Variants in SON observed in about 807,000 individuals in gnomAD.
SON encodes the protein SON DNA and RNA binding protein, also known as protein SON.
In SON, 4 loss-of-function variants were observed where a neutral mutation model predicts 173.3. The ratio of observed to expected loss-of-function variants is 0.02; its 90% CI spans 0.01 to 0.05. The LOEUF (loss-of-function observed/expected upper bound fraction) is 0.05, where lower values mean the gene tolerates loss of function less well. Among genes scored for constraint, SON ranks in the 10% least tolerant of loss-of-function variants. SON has a pLI of 1.00. For missense variants in SON, 2,626 were observed against 3,055.3 expected (o/e 0.86, Z 3.31); for synonymous variants, 1,190 against 1,105.9 (o/e 1.08, Z -1.51).
rs1217904947 is a variant in SON at position 33,550,134 on chromosome 21, G to A, written c.903G>A (p.Glu301=). 3.1e-6 allele frequency: 5 copies of A among 1,614,176 alleles called. No individual in the cohort carries two copies. The highest frequency in any genetic ancestry group is 1.1e-5 in the South Asian group (1 of 91,088). ...AGCCCCCAGTAGCAAAAGTGTTAGA[G>A]CCTTCAGAAACCCTTGTGGTATCAT... The part of the protein sequence containing the change: ...LVEPPVAKVL[E]PSETLVVSSE... Residue 301 remains glutamate (E), a synonymous_variant, in exon 3 of 12, where the codon GAG becomes GAA. Coordinates refer to ENST00000356577, the MANE Select transcript of SON (RefSeq NM_138927.4).
At chr21:33,571,488 A>G (rs2086284563) in intron 8 of SON, among the ~76,000 whole-genome samples, 1 of 152,210 alleles carries the variant, frequency 6.6e-6, no homozygotes, top group African/African-American at 2.4e-5. Flanking sequence ...TTAGATTACA[A>G]AAAAAGCAAA....
Position 33,546,240 on chromosome 21 carries a change from T to G in SON, c.105T>G (p.Gly35=). 3 of 1,611,946 alleles carry G rather than the reference T, an allele frequency of 1.9e-6. No individual in the cohort carries two copies. The highest frequency in any genetic ancestry group is 2.5e-6 in the Non-Finnish European group (3 of 1,179,372). The part of the protein sequence containing the change: ...SSGRNEGQLN[G]ETNTPIEGNQ... ...GAAGGAATGAAGGCCAGCTGAATGG[T>G]GAAACAAATACACCCATTGAAGGAA... Residue 35 remains glycine, a synonymous_variant, in exon 2 of 12, where the codon GGT becomes GGG. Transcript: ENST00000356577.
At chr21:33,568,931 T>C (rs976805300) in intron 7 of SON, 40 bp from the exon 8 acceptor site, 4 of 1,179,332 alleles carry the variant, frequency 3.4e-6, no homozygotes, top group Admixed American at 1.9e-5. Context: ...TTTAATCAGG[T>C]AATTTTACTT....
intron 7 of SON, 148 bp from the exon 8 acceptor site, chr21:33,568,823 A>G (rs1207457478): frequency 7.3e-6 from 4 of 546,352 alleles, no homozygotes; most frequent in Non-Finnish European, 1.3e-5. Context: ...CTGCTTCTTT[A>G]GAAAGTTTAG....
At chr21:33,543,649 C>T (rs1459707332) in intron 1 of SON, among the ~76,000 whole-genome samples, 2 of 152,198 alleles carry the variant, frequency 1.3e-5, no homozygotes, top group East Asian at 3.8e-4. Flanking sequence ...CTTCAGACCG[C>T]TTGGGGGTCT....
At position 33,569,094 on chromosome 21, in the gene SON, A is replaced by G. The variant is rs778029004; in HGVS notation, c.6885+7A>G. On this transcript the variant is annotated splice_region_variant and intron_variant, in intron 8 of 11. Transcript: ENST00000356577. ...CCAAGCCTGGATTAAAAAGGTACACAGTATATGCACATATGAAAGTGTCGA... is the reference window on the plus strand; with the variant it reads ...CCAAGCCTGGATTAAAAAGGTACACGGTATATGCACATATGAAAGTGTCGA... 6 of 1,491,722 alleles carry G rather than the reference A, an allele frequency of 4.0e-6. No individual in the cohort carries two copies. Among genetic ancestry groups the G allele is most frequent in the African/African-American group, 1.4e-5 (1 of 72,490 alleles). 92.4% of individuals were successfully genotyped at this position (1,491,722 alleles called of 1,614,324 possible).
chr21:33,572,569 GTCT>G lies in SON; in HGVS notation c.6886-734_6886-732del, dbSNP rs868332311. The G allele has an allele frequency of 9.2e-6, 12 of 1,304,032 alleles. No individual in the cohort carries two copies. In the African/African-American group the frequency reaches 1.7e-4, roughly 18 times the overall value. 80.8% of individuals were successfully genotyped at this position (1,304,032 alleles called of 1,614,324 possible). On this transcript the variant is annotated intron_variant, in intron 8 of 11. Transcript: ENST00000356577. ...GTTTCAGGGCCAAATCCTTGTAGCT[GTCT>G]TCTTGCCCCGGTCAGTGCCAGCCGT...
chr21:33,546,599 G>C (rs2085622172), intron 2 of SON: 1 of 323,076 alleles, frequency 3.1e-6, no homozygotes, highest in Non-Finnish European at 5.7e-6. Context: ...GGTCAACATG[G>C]AGAAACCCCC....
rs766635040 is a variant in SON, at chr21:33,543,065, G to C, written c.-28G>C. On this transcript the variant is annotated 5_prime_UTR_variant, in exon 1 of 12. Transcript: ENST00000356577. The stretch of plus-strand genomic sequence containing the variant: ...GCTGGGAGCCTGGAGGACTAGCGAG[G>C]AGGAGTTGAGAGAACGGAGCGGACG... 6 of 1,610,300 alleles carry C rather than the reference G, an allele frequency of 3.7e-6. No homozygotes were observed. Among genetic ancestry groups the C allele is most frequent in the Non-Finnish European group, 4.3e-6 (5 of 1,176,426 alleles).
At chr21:33,562,997 T>C (rs191397409) in intron 6 of SON, among the ~76,000 whole-genome samples, 60 of 152,302 alleles carry the variant, frequency 3.9e-4, no homozygotes, top group African/African-American at 1.4e-3. Context: ...AGCAGTTTAC[T>C]GGTTTGTATT....
chr21:33,564,861 CAAAAAA>C (rs60295815), intron 6 of SON, among the ~76,000 whole-genome samples: 13 of 98,304 alleles, frequency 1.3e-4, no homozygotes, highest in African/African-American at 7.8e-5. Context: ...AACTCCATCT[CAAAAAA>C]AAAAAAAAAA....
At chr21:33,560,477 A>T (rs779611458) in intron 6 of SON, 89 of 1,019,424 alleles carry the variant, frequency 8.7e-5, no homozygotes, top group Non-Finnish European at 9.9e-5. Context: ...GTTGTATCTT[A>T]ATAATGCCAA....
chr21:33,572,491 G>C, intron 8 of SON: 1 of 1,035,752 alleles, frequency 9.7e-7, no homozygotes, highest in Non-Finnish European at 1.3e-6. Context: ...ATACAAGAGA[G>C]ATGACTGTTC....
chr21:33,545,960 G>A (rs1297809704), intron 1 of SON, among the ~76,000 whole-genome samples: 1 of 152,094 alleles, frequency 6.6e-6, no homozygotes, highest in Non-Finnish European at 1.5e-5. Flanking sequence ...AAATTATTTT[G>A]TTTAACAAAG....
chr21:33,545,094 T>C (rs1417118394), intron 1 of SON, among the ~76,000 whole-genome samples: 1 of 152,216 alleles, frequency 6.6e-6, no homozygotes, highest in Non-Finnish European at 1.5e-5. Flanking sequence ...ACTTCTGTTA[T>C]AGATGGTGTG....
chr21:33,573,114 T>C (rs2086322918), intron 8 of SON, 194 bp from the exon 9 acceptor site: 1 of 444,964 alleles, frequency 2.2e-6, no homozygotes, highest in East Asian at 3.5e-5. Flanking sequence ...ACTTCCAAAA[T>C]ACTATTACGT....
In SON at chr21:33,559,738, A is replaced by G. The variant is rs1292896351; in HGVS notation, c.6620A>G (p.Asp2207Gly). The G allele has an allele frequency of 6.2e-7, 1 of 1,614,096 alleles. No individual in the cohort carries two copies. The highest frequency in any genetic ancestry group is 1.1e-5 in the South Asian group (1 of 91,066). The change falls in exon 6 of 12, where the codon GAT (aspartate) becomes GGT (glycine). Residue 2207 changes from aspartate to glycine, a missense_variant. Physicochemically the swap from Asp to Gly is moderately conservative, Grantham distance 94. Coordinates refer to ENST00000356577, the MANE Select transcript of SON (RefSeq NM_138927.4). The surrounding 1 kb of genome is among the most constrained non-coding windows in gnomAD (Gnocchi z 4.1). ...PVEKNGEENK[D>G]DDNVFSSNLP... is the part of the protein sequence containing the mutation. Reference sequence around the variant, plus strand: ...GAGAAAAATGGTGAAGAAAACAAAGATGATGATAATGTTTTCAGCAGCAAT... The same window carrying G: ...GAGAAAAATGGTGAAGAAAACAAAGGTGATGATAATGTTTTCAGCAGCAAT...
chr21:33,553,508 T>G lies in SON; in HGVS notation c.4277T>G (p.Val1426Gly). Residue 1426 changes from valine to glycine, a missense_variant, in exon 3 of 12, where the codon GTC (valine) becomes GGC (glycine). Around this residue, in one of 13 missense-constraint regions of SON, gnomAD observed 1,006 missense variants for 895.6 expected, o/e 1.12. Coordinates refer to ENST00000356577, the MANE Select transcript of SON (RefSeq NM_138927.4). ...SVPVLEPAVS[V>G]LQPSMIVSEP... ...CCTGTTCTGGAACCAGCGGTGTCAG[T>G]CCTTCAACCTTCTATGATTGTTTCA... 1 of 1,614,198 alleles carries G rather than the reference T, an allele frequency of 6.2e-7. No homozygotes were observed.
At position 33,550,830 on chromosome 21, in the gene SON, A is replaced by G; in HGVS notation, c.1599A>G (p.Ala533=). Residue 533 remains alanine, a synonymous_variant, in exon 3 of 12, where the codon GCA becomes GCG. Transcript: ENST00000356577. ...CTGGGCATCCTGAGGTGACAACGGC[A>G]ACAGGGTTGCTGGGGCAGCCTGAGG... ...EHPGHPEVTT[A]TGLLGQPEAT... is the part of the protein sequence containing the mutation. 1 of 1,613,880 alleles carries G rather than the reference A, an allele frequency of 6.2e-7. No individual in the cohort carries two copies. The highest frequency in any genetic ancestry group is 8.5e-7 in the Non-Finnish European group (1 of 1,179,770).
Sources: gnomAD v4.1 joint callset for allele counts (sites outside exome capture counted in the v4.1 genomes callset) on GRCh38, gnomAD v4.1.1 for gene constraint, gnomAD v4.1.1 regional missense constraint, Gnocchi (gnomAD v3.1) non-coding constraint, MANE v1.5 for transcripts, NCBI Gene and HGNC (gene_info 2026-07-23, HGNC 2026-07-21) for gene names.